IL16: variants seen among roughly 807,000 people sequenced by gnomAD.
IL16 encodes the protein interleukin 16.
Under a neutral mutation model 110.1 loss-of-function variants are expected in IL16, and 67 were observed. The ratio of observed to expected loss-of-function variants is 0.61; its 90% confidence interval spans 0.50 to 0.75. IL16 has a LOEUF of 0.75. IL16 is among the 30% of genes least tolerant of loss of function. The pLI, the probability that IL16 is intolerant of heterozygous loss-of-function variation, is 0.00. For synonymous variants in IL16, 689 were observed against 662.9 expected (o/e 1.04, Z -0.61); for missense variants, 1,545 against 1,655.0 (o/e 0.93, Z 1.15).
At chr15:81,261,098 T>C (rs1185139729) in intron 3 of IL16, among the ~76,000 whole-genome samples, 3 of 152,246 alleles carry the variant, frequency 2.0e-5, no homozygotes, top group Non-Finnish European at 4.4e-5. Flanking sequence ...CCTTTCCCTT[T>C]CTCCCTCACC....
intron 2 of IL16, among the ~76,000 whole-genome samples, chr15:81,234,405 G>A (rs1219567701): frequency 6.6e-6 from 1 of 151,916 alleles, no homozygotes; most frequent in Non-Finnish European, 1.5e-5. Flanking sequence ...TGATTAGCTT[G>A]TTAGCTATAA....
At chr15:81,255,421 A>G (rs548270116) in intron 2 of IL16, among the ~76,000 whole-genome samples, 135 of 152,356 alleles carry the variant, frequency 8.9e-4, no homozygotes, top group Non-Finnish European at 1.5e-3. Flanking sequence ...GCCTCCAGCT[A>G]CTTCAGAGAC....
intron 4 of IL16, among the ~76,000 whole-genome samples, chr15:81,266,436 G>T (rs1368179656): frequency 3.3e-5 from 5 of 152,152 alleles, no homozygotes; most frequent in African/African-American, 1.2e-4. Flanking sequence ...AATTTAAACT[G>T]CCCTGTGTGC....
At chr15:81,199,716 G>A (rs1327121388) in intron 1 of IL16, among the ~76,000 whole-genome samples, 1 of 152,168 alleles carries the variant, frequency 6.6e-6, no homozygotes, top group Non-Finnish European at 1.5e-5. Flanking sequence ...GGATGCTGGG[G>A]AATGGTGCAC....
intron 9 of IL16, among the ~76,000 whole-genome samples, chr15:81,283,084 C>T (rs188813778): frequency 2.9e-4 from 44 of 152,320 alleles, no homozygotes; most frequent in Non-Finnish European, 6.0e-4. Flanking sequence ...GCGGGGTGGA[C>T]AGGGTCTTTG....
Position 81,282,634 on chromosome 15 carries a change from T to G in IL16, c.1082-5T>G. ...TCTCCCCACCCCGCCCTGTTCTGCT[T>G]CCAGAGGCCGGCGTGGGCCTGGGCA... On this transcript the variant is annotated splice_polypyrimidine_tract_variant and splice_region_variant and intron_variant, in intron 8 of 18. Transcript: ENST00000683961. 6.2e-7 allele frequency: 1 copy of G among 1,610,324 alleles called. No individual in the cohort carries two copies. The highest frequency in any genetic ancestry group is 8.5e-7 in the Non-Finnish European group (1 of 1,178,664).
rs537143952 is a variant in IL16, at chr15:81,310,357, G to T, written c.*1559G>T. The T allele has an allele frequency of 1.3e-5, 2 of 152,288 alleles. No individual in the cohort carries two copies. Among genetic ancestry groups the T allele is most frequent in the East Asian group, 3.9e-4 (2 of 5,170 alleles). The allele number at this position is 152,288 out of a possible 1,614,324, so 9.4% of individuals were successfully genotyped here. On this transcript the variant is annotated 3_prime_UTR_variant, in exon 19 of 19. Coordinates refer to ENST00000683961, the MANE Select transcript of IL16 (RefSeq NM_172217.5). ...TAACCTTCCTGTAAACCCCTTTAGT[G>T]GCTTCATTAGAGCAGGCGTTCAGCT...
intron 18 of IL16, among the ~76,000 whole-genome samples, chr15:81,308,324 C>G (rs1489649054): frequency 6.6e-6 from 1 of 152,170 alleles, no homozygotes; most frequent in Non-Finnish European, 1.5e-5. Flanking sequence ...GGACGGTGCT[C>G]CAGGCAGGCT....
chr15:81,252,799 A>G (rs1432170601), intron 2 of IL16, among the ~76,000 whole-genome samples: 1 of 152,216 alleles, frequency 6.6e-6, no homozygotes, highest in Non-Finnish European at 1.5e-5. Flanking sequence ...TCCATGTTGT[A>G]GCATGTATCA....
chr15:81,274,910 T>A (rs1898826521), intron 6 of IL16, among the ~76,000 whole-genome samples: 2 of 151,754 alleles, frequency 1.3e-5, no homozygotes, highest in Admixed American at 1.3e-4. Flanking sequence ...TGACCAGGGT[T>A]TTCAGAGGCT....
Position 81,231,364 on chromosome 15 carries a change from CTCTCTCT to C in IL16, c.312+5654_312+5660del, listed in dbSNP as rs1567008721. Among the ~76,000 whole-genome samples the C allele has an allele frequency of 7.6e-3, 1,112 of 146,910 alleles. 25 individuals are homozygous for C. The highest frequency in any genetic ancestry group is 0.027 in the African/African-American group (1,068 of 39,854). ...TCTCTCTCTCTCTCTCTCTCTCTCT[CTCTCTCT>C]CTCTCTCTCTCCCTCTCTTAAGACA... On this transcript the variant is annotated intron_variant, in intron 2 of 18. Coordinates refer to ENST00000683961, the MANE Select transcript of IL16 (RefSeq NM_172217.5).
intron 1 of IL16, among the ~76,000 whole-genome samples, chr15:81,201,291 A>C (rs1595940240): frequency 6.6e-6 from 1 of 151,876 alleles, no homozygotes; most frequent in Non-Finnish European, 1.5e-5. Flanking sequence ...GCACGCACAC[A>C]CCCCCATCCA....
intron 8 of IL16, among the ~76,000 whole-genome samples, chr15:81,280,702 C>T (rs1899133562): frequency 6.6e-6 from 1 of 152,092 alleles, no homozygotes. Flanking sequence ...TACAGCTTTG[C>T]CTGATGTGTG....
chr15:81,222,179 G>A (rs568697866), intron 1 of IL16, among the ~76,000 whole-genome samples: 12 of 152,192 alleles, frequency 7.9e-5, no homozygotes, highest in African/African-American at 2.6e-4. Context: ...ACAAGAATGC[G>A]AGAGGCTGTT....
intron 2 of IL16, among the ~76,000 whole-genome samples, chr15:81,240,453 T>C (rs1235751301): frequency 6.6e-6 from 1 of 152,080 alleles, no homozygotes; most frequent in East Asian, 1.9e-4. Flanking sequence ...GAAGTGGTTA[T>C]ACCAATCTAC....
At position 81,197,194 on chromosome 15, in the gene IL16, C is replaced by A. The variant is rs181295603; in HGVS notation, c.-102+42C>A. ...CAGGCAGCTGCTCTGTCCAGGTGGC[C>A]GTTACCGGAGGGAGGAAGCTGGCCT... On this transcript the variant is annotated intron_variant, in intron 1 of 18. Coordinates refer to ENST00000683961, the MANE Select transcript of IL16 (RefSeq NM_172217.5). The A allele has an allele frequency of 1.7e-5, 21 of 1,252,836 alleles. No individual in the cohort carries two copies. The African/African-American group carries it at 3.2e-4, about 19-fold the overall frequency. The allele number at this position is 1,252,836 out of a possible 1,614,324, so 77.6% of individuals were successfully genotyped here.
At chr15:81,210,764 A>C (rs1488098936) in intron 1 of IL16, among the ~76,000 whole-genome samples, 1 of 152,188 alleles carries the variant, frequency 6.6e-6, no homozygotes, top group African/African-American at 2.4e-5. Flanking sequence ...GGGTTTTCTA[A>C]GTATAGATTC....
chr15:81,193,263 TA>T (rs1259118148), upstream of IL16, among the ~76,000 whole-genome samples: 2 of 152,102 alleles, frequency 1.3e-5, no homozygotes, highest in African/African-American at 2.4e-5. Flanking sequence ...AACATTTTAT[TA>T]GGGGGGGAAT....
chr15:81,289,693 C>G (rs1899618268), intron 10 of IL16, among the ~76,000 whole-genome samples: 1 of 152,146 alleles, frequency 6.6e-6, no homozygotes, highest in Admixed American at 6.5e-5. Context: ...AACTATTTAT[C>G]TGAAATATGA....
Sources: allele counts gnomAD v4.1 joint callset (sites outside exome capture counted in the v4.1 genomes callset), GRCh38; gene constraint gnomAD v4.1.1; transcripts MANE v1.5; gene names NCBI Gene and HGNC (gene_info 2026-07-23, HGNC 2026-07-21).